Variants in PDE3A observed in about 807,000 individuals in gnomAD.
PDE3A encodes phosphodiesterase 3A, also known as cGMP-inhibited 3',5'-cyclic phosphodiesterase 3A.
A neutral mutation model predicts 98.3 loss-of-function variants in PDE3A; 43 were observed. The ratio of observed to expected loss-of-function variants is 0.44; its 90% CI spans 0.34 to 0.56. The LOEUF is 0.56. PDE3A is among the 20% of genes least tolerant of loss of function. The pLI is 0.01. For missense variants in PDE3A, 1,427 were observed against 1,440.7 expected (o/e 0.99, Z 0.15); for synonymous variants, 663 against 567.9 (o/e 1.17, Z -2.38).
chr12:20,518,222 T>G (rs1158678049), intron 1 of PDE3A, among the ~76,000 whole-genome samples: 2 of 152,210 alleles, frequency 1.3e-5, no homozygotes, highest in Non-Finnish European at 2.9e-5. Context: ...AAGAGAGATC[T>G]TCTCAATATT....
At chr12:20,393,609 C>T (rs557801553) in intron 1 of PDE3A, among the ~76,000 whole-genome samples, 1 of 151,826 alleles carries the variant, frequency 6.6e-6, no homozygotes, top group East Asian at 1.9e-4. Context: ...TTACATATAC[C>T]CCAAACTATG....
At chr12:20,660,700 TC>T (rs1945147392) in intron 15 of PDE3A, among the ~76,000 whole-genome samples, 1 of 152,212 alleles carries the variant, frequency 6.6e-6, no homozygotes, top group South Asian at 2.1e-4. Flanking sequence ...GCTGCTGCCA[TC>T]CATGTAAGAT....
At chr12:20,614,288 T>C (rs1376721901) in intron 3 of PDE3A, among the ~76,000 whole-genome samples, 1 of 152,194 alleles carries the variant, frequency 6.6e-6, no homozygotes, top group Non-Finnish European at 1.5e-5. Context: ...TTTTTACATA[T>C]ATGGCATGAG....
chr12:20,637,472 G>T (rs1944543799), intron 9 of PDE3A, among the ~76,000 whole-genome samples: 3 of 149,378 alleles, frequency 2.0e-5, no homozygotes, highest in Admixed American at 2.0e-4. Context: ...AGACAAAGTA[G>T]GTGGGGATAG....
At chr12:20,642,469 T>A (rs1244081508) in intron 10 of PDE3A, among the ~76,000 whole-genome samples, 3 of 152,208 alleles carry the variant, frequency 2.0e-5, no homozygotes, top group African/African-American at 7.2e-5. Context: ...AAATAATGTT[T>A]GGTGTCATTC....
intron 1 of PDE3A, among the ~76,000 whole-genome samples, chr12:20,466,749 T>C (rs572985576): frequency 6.6e-6 from 1 of 152,330 alleles, no homozygotes; most frequent in South Asian, 2.1e-4. Flanking sequence ...AATTGTGGCT[T>C]TGTGTGTGAT....
rs888658103 is a variant in PDE3A at position 20,552,733 on chromosome 12, A to G, written c.961-3927A>G. On this transcript the variant is annotated intron_variant, in intron 1 of 15. Coordinates refer to ENST00000359062, the MANE Select transcript of PDE3A (RefSeq NM_000921.5). The surrounding 1 kb of genome is among the most constrained non-coding windows in gnomAD (Gnocchi z 5.1). Reference sequence around the variant, plus strand: ...GTGGAATGAGGTCCTGGCGTCACTCAAGGACCGGCCGGCGAGCGGCAGCCC... The same window carrying G: ...GTGGAATGAGGTCCTGGCGTCACTCGAGGACCGGCCGGCGAGCGGCAGCCC... 2.9e-5 allele frequency: 47 copies of G among 1,613,950 alleles called. 1 individual carries two copies. In the Admixed American group the frequency reaches 7.3e-4, roughly 25 times the overall value.
chr12:20,428,500 C>T (rs987323547), intron 1 of PDE3A, among the ~76,000 whole-genome samples: 1 of 152,066 alleles, frequency 6.6e-6, no homozygotes, highest in Non-Finnish European at 1.5e-5. Context: ...CCAGGATGGT[C>T]TCAATCTCCT....
At chr12:20,484,263 T>C (rs749897184) in intron 1 of PDE3A, among the ~76,000 whole-genome samples, 6 of 152,218 alleles carry the variant, frequency 3.9e-5, no homozygotes, top group Non-Finnish European at 5.9e-5. Context: ...TTTTTATCTC[T>C]TAAAAGTATG....
intron 1 of PDE3A, among the ~76,000 whole-genome samples, chr12:20,373,180 T>C (rs1248423216): frequency 6.6e-6 from 1 of 152,086 alleles, no homozygotes; most frequent in Non-Finnish European, 1.5e-5. Context: ...TAGCTTTTAG[T>C]TTAGTCCTGA....
Position 20,369,563 on chromosome 12 carries a change from G to A in PDE3A, c.279G>A (p.Lys93=), listed in dbSNP as rs1370323156. ...GEVGCDLEQC[K]EAAAAEEEEA... ...TCGGCTGTGACCTGGAGCAGTGTAA[G>A]GAGGCGGCGGCGGCGGAGGAGGAGG... The change falls in exon 1 of 16, where the codon AAG becomes AAA. Residue 93 remains lysine, a synonymous_variant. Coordinates refer to ENST00000359062, the MANE Select transcript of PDE3A (RefSeq NM_000921.5). 5.8e-6 allele frequency: 9 copies of A among 1,556,368 alleles called. No individual in the cohort carries two copies. The East Asian group carries it at 2.1e-4, about 37-fold the overall frequency.
intron 1 of PDE3A, among the ~76,000 whole-genome samples, chr12:20,420,397 A>G (rs1324232111): frequency 6.6e-6 from 1 of 152,168 alleles, no homozygotes; most frequent in Non-Finnish European, 1.5e-5. Context: ...TATTTTTAAC[A>G]CAAGAATGGT....
intron 1 of PDE3A, among the ~76,000 whole-genome samples, chr12:20,389,155 A>T (rs1461897611): frequency 2.6e-5 from 4 of 152,012 alleles, no homozygotes; most frequent in Admixed American, 1.3e-4. Context: ...GCAGAATAGT[A>T]CTAGCTGATT....
chr12:20,460,620 G>C (rs1945229796), intron 1 of PDE3A, among the ~76,000 whole-genome samples: 1 of 152,184 alleles, frequency 6.6e-6, no homozygotes, highest in Non-Finnish European at 1.5e-5. Context: ...TGATTAGTTA[G>C]AACAAAGACA....
Position 20,637,179 on chromosome 12 carries a change from T to G in PDE3A, c.2081T>G (p.Phe694Cys). ...SIMEQLNTWN[F>C]PIFDLVENIG... is the part of the protein sequence containing the mutation. The stretch of plus-strand genomic sequence containing the variant: ...ATGGAGCAGCTAAATACTTGGAATT[T>G]TCCAATTTTTGATTTAGTGGAAAAT... The change falls in exon 9 of 16, where the codon TTT (phenylalanine) becomes TGT (cysteine). Residue 694 changes from phenylalanine to cysteine, a missense_variant. Around this residue, in one of 3 missense-constraint regions of PDE3A, gnomAD observed 273 missense variants for 420.3 expected, o/e 0.65. Coordinates refer to ENST00000359062, the MANE Select transcript of PDE3A (RefSeq NM_000921.5). The G allele has an allele frequency of 6.2e-7, 1 of 1,610,534 alleles. No homozygotes were observed. The highest frequency in any genetic ancestry group is 8.5e-7 in the Non-Finnish European group (1 of 1,177,356).
chr12:20,436,586 T>A (rs142466225), intron 1 of PDE3A, among the ~76,000 whole-genome samples: 1 of 152,302 alleles, frequency 6.6e-6, no homozygotes, highest in East Asian at 1.9e-4. Context: ...TCAGGAGACA[T>A]GAATGATTTC....
chr12:20,388,830 C>T (rs1943861396), intron 1 of PDE3A, among the ~76,000 whole-genome samples: 1 of 151,934 alleles, frequency 6.6e-6, no homozygotes, highest in Non-Finnish European at 1.5e-5. Context: ...TATACATTTC[C>T]ATTTGTTGTT....
At chr12:20,426,099 A>G (rs1944597305) in intron 1 of PDE3A, among the ~76,000 whole-genome samples, 2 of 152,202 alleles carry the variant, frequency 1.3e-5, no homozygotes, top group African/African-American at 4.8e-5. Context: ...TCTTGGAAGG[A>G]AAATACTTAA....
At chr12:20,421,388 A>G (rs1250831683) in intron 1 of PDE3A, among the ~76,000 whole-genome samples, 1 of 152,156 alleles carries the variant, frequency 6.6e-6, no homozygotes, top group Non-Finnish European at 1.5e-5. Flanking sequence ...TCTTTATCGG[A>G]CTTAAATCTG....
Sources: gnomAD v4.1 joint callset for allele counts (sites outside exome capture counted in the v4.1 genomes callset) on GRCh38, gnomAD v4.1.1 for gene constraint, gnomAD v4.1.1 regional missense constraint, Gnocchi (gnomAD v3.1) non-coding constraint, MANE v1.5 for transcripts, NCBI Gene and HGNC (gene_info 2026-07-23, HGNC 2026-07-21) for gene names.